Variants in ARB2A observed in about 807,000 individuals in gnomAD.
ARB2A encodes the protein cotranscriptional regulator ARB2A.
At chr5:93,874,819 G>T in the ARB2A span, among the ~76,000 whole-genome samples, 2 of 152,098 alleles carry the variant, frequency 1.3e-5, no homozygotes, top group South Asian at 4.1e-4. Flanking sequence ...TTGCAGAATT[G>T]GTTGGCATCA....
chr5:93,750,078 A>G, the ARB2A span, among the ~76,000 whole-genome samples: 1 of 152,212 alleles, frequency 6.6e-6, no homozygotes, highest in African/African-American at 2.4e-5. Flanking sequence ...CTTGGAGCCT[A>G]GATTGGTGCC....
the ARB2A span, among the ~76,000 whole-genome samples, chr5:93,767,838 CA>C: frequency 6.6e-6 from 1 of 151,068 alleles, no homozygotes. Context: ...ACTAAAAATA[CA>C]AAAAATTAGC....
the ARB2A span, among the ~76,000 whole-genome samples, chr5:93,762,570 T>A: frequency 9.8e-5 from 15 of 152,320 alleles, no homozygotes. Flanking sequence ...CAAATCTATG[T>A]CTGATTGGTG....
chr5:93,760,436 A>G, the ARB2A span, among the ~76,000 whole-genome samples: 1 of 152,210 alleles, frequency 6.6e-6, no homozygotes, highest in Non-Finnish European at 1.5e-5. Context: ...AAGAACCTGC[A>G]TAGCCAAAGC....
At chr5:93,786,191 C>T in the ARB2A span, among the ~76,000 whole-genome samples, 1 of 152,124 alleles carries the variant, frequency 6.6e-6, no homozygotes, top group Non-Finnish European at 1.5e-5. Flanking sequence ...TTTAAGACAG[C>T]ATCTGAAGAC....
the ARB2A span, among the ~76,000 whole-genome samples, chr5:93,977,011 T>TA: frequency 9.9e-4 from 140 of 140,864 alleles, no homozygotes; most frequent in Middle Eastern, 3.7e-3. Flanking sequence ...CAATAGCCAC[T>TA]AAAAAAAAAA....
At chr5:93,895,973 TG>T in the ARB2A span, among the ~76,000 whole-genome samples, 1 of 152,072 alleles carries the variant, frequency 6.6e-6, no homozygotes, top group South Asian at 2.1e-4. Flanking sequence ...CACTTATAAG[TG>T]GTTACAAAAT....
chr5:93,691,449 G>T, the ARB2A span, among the ~76,000 whole-genome samples: 2,657 of 151,868 alleles, frequency 0.017, 23 homozygotes, highest in Non-Finnish European at 0.026. Flanking sequence ...TCAACTTAAC[G>T]AAATAAAGCA....
the ARB2A span, chr5:93,958,940 C>A: frequency 6.2e-7 from 1 of 1,600,474 alleles, no homozygotes; most frequent in South Asian, 1.1e-5. Flanking sequence ...AAAGATAAAA[C>A]TCTTTGGTTC....
At chr5:93,714,909 A>G in the ARB2A span, among the ~76,000 whole-genome samples, 1 of 152,216 alleles carries the variant, frequency 6.6e-6, no homozygotes, top group South Asian at 2.1e-4. Flanking sequence ...TACACCAACT[A>G]TAGACAGTAA....
the ARB2A span, among the ~76,000 whole-genome samples, chr5:93,783,401 G>C: frequency 6.6e-6 from 1 of 152,058 alleles, no homozygotes; most frequent in African/African-American, 2.4e-5. Flanking sequence ...TAACAGACTG[G>C]TGATAATATA....
chr5:93,700,697 T>C, the ARB2A span, among the ~76,000 whole-genome samples: 1 of 152,170 alleles, frequency 6.6e-6, no homozygotes. Flanking sequence ...TTGTGATTAC[T>C]AATTTTTAGT....
At chr5:93,683,457 A>C in the ARB2A span, 1 of 1,598,508 alleles carries the variant, frequency 6.3e-7, no homozygotes, top group East Asian at 2.2e-5. Context: ...CCCCCAAGGG[A>C]AACTGTTGGC....
At chr5:94,062,546 C>T in the ARB2A span, among the ~76,000 whole-genome samples, 1 of 152,036 alleles carries the variant, frequency 6.6e-6, no homozygotes, top group African/African-American at 2.4e-5. Flanking sequence ...AAATTCCCAC[C>T]ACAGACCCCT....
At chr5:94,108,519 C>T in the ARB2A span, among the ~76,000 whole-genome samples, 1 of 151,534 alleles carries the variant, frequency 6.6e-6, no homozygotes, top group Non-Finnish European at 1.5e-5. Context: ...AAAAACTCCA[C>T]CAAATAAATC....
At chr5:93,665,874 G>C in the ARB2A span, among the ~76,000 whole-genome samples, 6 of 152,280 alleles carry the variant, frequency 3.9e-5, no homozygotes, top group East Asian at 1.2e-3. Flanking sequence ...ATTTACACAT[G>C]AATCAACTTT....
At chr5:94,037,582 GAATA>G in the ARB2A span, among the ~76,000 whole-genome samples, 3 of 152,084 alleles carry the variant, frequency 2.0e-5, no homozygotes, top group South Asian at 4.1e-4. Flanking sequence ...CTTCACAACA[GAATA>G]AATAATTTTA....
the ARB2A span, among the ~76,000 whole-genome samples, chr5:93,638,770 G>A: frequency 6.6e-6 from 1 of 151,932 alleles, no homozygotes; most frequent in African/African-American, 2.4e-5. Flanking sequence ...CAGATGGTGC[G>A]ATGAGCCGAG....
chr5:93,803,170 T>C, the ARB2A span, among the ~76,000 whole-genome samples: 4 of 152,102 alleles, frequency 2.6e-5, no homozygotes, highest in African/African-American at 4.8e-5. Flanking sequence ...GACTTGTTTT[T>C]TCCTTGGTGG....
Sources: allele counts gnomAD v4.1 joint callset (sites outside exome capture counted in the v4.1 genomes callset), GRCh38; gene constraint gnomAD v4.1.1; transcripts MANE v1.5; gene names NCBI Gene and HGNC (gene_info 2026-07-23, HGNC 2026-07-21).